ULK2: variants seen among roughly 807,000 people sequenced by gnomAD.
The protein encoded by ULK2 is unc-51 like autophagy activating kinase 2, also known as serine/threonine-protein kinase ULK2.
Under a neutral mutation model 127.5 loss-of-function variants are expected in ULK2, and 76 were observed. That is an observed-to-expected ratio of 0.60 (90% CI 0.50 to 0.72). ULK2 has a LOEUF of 0.72. Among genes scored for constraint, ULK2 ranks in the 30% least tolerant of loss-of-function variants. The pLI, the probability that ULK2 is intolerant of heterozygous loss-of-function variation, is 0.00. For synonymous variants in ULK2, 452 were observed against 461.9 expected (o/e 0.98, Z 0.28); for missense variants, 1,144 against 1,295.9 (o/e 0.88, Z 1.80).
At chr17:19,838,832 CCTGA>C (rs1434207810) in intron 9 of ULK2, among the ~76,000 whole-genome samples, 1 of 151,754 alleles carries the variant, frequency 6.6e-6, no homozygotes, top group Non-Finnish European at 1.5e-5. Context: ...TCGAGACCAT[CCTGA>C]CTAACACGGT....
chr17:19,826,844 C>A (rs2041309387), intron 10 of ULK2, among the ~76,000 whole-genome samples: 1 of 151,960 alleles, frequency 6.6e-6, no homozygotes, highest in Non-Finnish European at 1.5e-5. Context: ...GTAGTCCCAG[C>A]TACTCGGGAG....
intron 22 of ULK2, among the ~76,000 whole-genome samples, chr17:19,782,790 C>T (rs1041892395): frequency 3.3e-5 from 5 of 152,038 alleles, no homozygotes; most frequent in African/African-American, 9.7e-5. Context: ...GTGGCATGTG[C>T]CTGTAGTCCC....
chr17:19,807,906 AC>A (rs1297818136), intron 14 of ULK2, among the ~76,000 whole-genome samples: 3 of 152,102 alleles, frequency 2.0e-5, no homozygotes, highest in Non-Finnish European at 2.9e-5. Context: ...GGAGTTCAAG[AC>A]CAGCCTGACC....
rs777678659 is a variant in ULK2 at position 19,786,011 on chromosome 17, G to T, written c.2177C>A (p.Thr726Asn). Residue 726 changes from threonine to asparagine, a missense_variant, in exon 21 of 27, where the codon ACT becomes AAT. Around this residue, in one of 2 missense-constraint regions of ULK2, gnomAD observed 913 missense variants for 970.5 expected, o/e 0.94. Transcript: ENST00000395544. ...TAASSKAVLF[T>N]VGSPPHSAAA... ...CGCACTGTGTGGAGGAGACCCTACA[G>T]TGAAGAGGACAGCCTTGGAACTTGC... is the stretch of plus-strand genomic sequence containing the variant. 1 of 1,582,722 alleles carries T rather than the reference G, an allele frequency of 6.3e-7. No homozygotes were observed. Among genetic ancestry groups the T allele is most frequent in the Admixed American group, 1.9e-5 (1 of 52,112 alleles).
At position 19,796,302 on chromosome 17, in the gene ULK2, T is replaced by C; in HGVS notation, c.1810-20A>G. Reference sequence around the variant, plus strand: ...TGTGGTCTAAAGAGACATATATATATATATATATGTAAACTAGTTAATACG... The same window carrying C: ...TGTGGTCTAAAGAGACATATATATACATATATATGTAAACTAGTTAATACG... On this transcript the variant is annotated intron_variant, in intron 18 of 26. Transcript: ENST00000395544. 1 of 1,577,400 alleles carries C rather than the reference T, an allele frequency of 6.3e-7. No individual in the cohort carries two copies. Among genetic ancestry groups the C allele is most frequent in the South Asian group, 1.2e-5 (1 of 85,068 alleles).
At chr17:19,807,589 T>G (rs2087540482) in intron 14 of ULK2, among the ~76,000 whole-genome samples, 1 of 151,972 alleles carries the variant, frequency 6.6e-6, no homozygotes, top group African/African-American at 2.4e-5. Flanking sequence ...GCATATTCAC[T>G]GGTAAAGGAA....
At chr17:19,830,235 CTGTTT>C (rs1194161821) in intron 10 of ULK2, among the ~76,000 whole-genome samples, 8 of 151,960 alleles carry the variant, frequency 5.3e-5, no homozygotes, top group Non-Finnish European at 1.0e-4. Flanking sequence ...ATGTTGCGCT[CTGTTT>C]TTTCAGGCTG....
At chr17:19,828,051 A>G (rs751464042) in intron 10 of ULK2, among the ~76,000 whole-genome samples, 3 of 152,232 alleles carry the variant, frequency 2.0e-5, no homozygotes, top group Non-Finnish European at 4.4e-5. Context: ...GGGATCCTTA[A>G]TAAGAATATC....
chr17:19,795,764 T>C (rs945104120), intron 19 of ULK2, 39 bp from the exon 20 acceptor site: 3 of 1,584,458 alleles, frequency 1.9e-6, no homozygotes, highest in African/African-American at 1.3e-5. Flanking sequence ...AGGAAAAGTA[T>C]ACTTTTTAAA....
intron 7 of ULK2, among the ~76,000 whole-genome samples, chr17:19,843,830 T>C (rs181097421): frequency 3.9e-5 from 6 of 152,094 alleles, no homozygotes; most frequent in Non-Finnish European, 1.5e-5. Flanking sequence ...AGCTAATTTT[T>C]TGTATTTTTA....
intron 20 of ULK2, among the ~76,000 whole-genome samples, chr17:19,787,454 A>G (rs1192939539): frequency 2.0e-5 from 3 of 152,214 alleles, no homozygotes; most frequent in African/African-American, 7.2e-5. Context: ...ACCCAGCCAG[A>G]AATATATTTG....
At chr17:19,776,505 G>T in intron 26 of ULK2, 98 bp from the exon 27 acceptor site, 2 of 1,102,866 alleles carry the variant, frequency 1.8e-6, no homozygotes, top group Non-Finnish European at 2.5e-6. Flanking sequence ...TTCTGAATAT[G>T]TTTTCTTCTT....
intron 3 of ULK2, among the ~76,000 whole-genome samples, chr17:19,862,477 T>G (rs1273498827): frequency 4.0e-5 from 6 of 151,848 alleles, no homozygotes; most frequent in Middle Eastern, 3.4e-3. Flanking sequence ...ATTTTTTTTT[T>G]TTGTTTGAGA....
Position 19,781,949 on chromosome 17 carries a change from A to G in ULK2, c.2579T>C (p.Leu860Ser). 6 of 1,614,220 alleles carry G rather than the reference A, an allele frequency of 3.7e-6. No homozygotes were observed. Among genetic ancestry groups the G allele is most frequent in the Non-Finnish European group, 5.1e-6 (6 of 1,180,040 alleles). ...NPELCTSAVS[L>S]YQIQESVVVD... ...CACCACACTCTCCTGGATCTGGTAC[A>G]AGGACACAGCAGATGTGCACAGCTC... is the stretch of plus-strand genomic sequence containing the variant. The change falls in exon 23 of 27, where the codon TTG (leucine) becomes TCG (serine). Residue 860 changes from leucine (L) to serine (S), a missense_variant. Around this residue, in one of 2 missense-constraint regions of ULK2, gnomAD observed 913 missense variants for 970.5 expected, o/e 0.94. Coordinates refer to ENST00000395544, the MANE Select transcript of ULK2 (RefSeq NM_014683.4).
rs779234051 is a variant in ULK2, at chr17:19,776,365, C to G, written c.3095G>C (p.Ser1032Thr). The change falls in exon 27 of 27, where the codon AGC (serine) becomes ACC (threonine). Residue 1032 changes from serine to threonine, a missense_variant. Coordinates refer to ENST00000395544, the MANE Select transcript of ULK2 (RefSeq NM_014683.4). ...IERRLSALCH[S>T]TATV ...GCCTGCTGCTCACACGGTTGCGGTGCTATGGCAGAGCGCCGACAGTCTTCT... is the reference window on the plus strand; with the variant it reads ...GCCTGCTGCTCACACGGTTGCGGTGGTATGGCAGAGCGCCGACAGTCTTCT... 3.7e-6 allele frequency: 6 copies of G among 1,606,106 alleles called. No homozygotes were observed. In the East Asian group the frequency reaches 1.1e-4, roughly 30 times the overall value.
chr17:19,787,272 C>T (rs2087054645), intron 20 of ULK2, among the ~76,000 whole-genome samples: 2 of 152,172 alleles, frequency 1.3e-5, no homozygotes, highest in Admixed American at 1.3e-4. Context: ...CAGGCGTGAG[C>T]CACTGCGCCC....
At chr17:19,780,943 T>TC (rs762998971) in intron 24 of ULK2, 43 bp downstream of exon 24, 11 of 1,572,902 alleles carry the variant, frequency 7.0e-6, no homozygotes, top group Non-Finnish European at 8.7e-6. Flanking sequence ...AAAGAGCAAC[T>TC]TAAGGACTGA....
intron 12 of ULK2, among the ~76,000 whole-genome samples, chr17:19,821,757 T>TG (rs1404310445): frequency 2.2e-4 from 33 of 152,334 alleles, no homozygotes; most frequent in African/African-American, 7.7e-4. Flanking sequence ...GTTGGTTGGT[T>TG]TTTGAGACAG....
In ULK2 at chr17:19,823,584, A is replaced by G. The variant is rs73295836; in HGVS notation, c.924+1510T>C. On this transcript the variant is annotated intron_variant, in intron 12 of 26. Transcript: ENST00000395544. ...AAATATATGGTTCATAATAATAGCC[A>G]CAATTTATTGAGACTTTGCCATGGC... is the stretch of plus-strand genomic sequence containing the variant. Among the ~76,000 whole-genome samples, 1,496 of 152,300 alleles carry G rather than the reference A, an allele frequency of 9.8e-3. 23 individuals are homozygous for G. The highest frequency in any genetic ancestry group is 0.034 in the African/African-American group (1,404 of 41,558).
Sources: gnomAD v4.1 joint callset for allele counts (sites outside exome capture counted in the v4.1 genomes callset) on GRCh38, gnomAD v4.1.1 for gene constraint, gnomAD v4.1.1 regional missense constraint, MANE v1.5 for transcripts, NCBI Gene and HGNC (gene_info 2026-07-23, HGNC 2026-07-21) for gene names.